Variants in ZNF585A observed in about 807,000 individuals in gnomAD.
ZNF585A encodes the protein zinc finger protein 585A.
ZNF585A carries 9 observed loss-of-function variants against 14.9 expected under a neutral mutation model. The observed-to-expected ratio is 0.60, with a 90% CI of 0.36 to 1.05. The LOEUF (loss-of-function observed/expected upper bound fraction) is 1.05. Ranked by LOEUF, ZNF585A falls within the 50% of genes least tolerant of loss-of-function variation. The pLI, the probability that ZNF585A is intolerant of heterozygous loss-of-function variation, is 0.01. For synonymous variants in ZNF585A, 276 were observed against 319.9 expected, an observed-to-expected ratio of 0.86 and a Z score of 1.46; for missense variants, 726 against 926.4, an observed-to-expected ratio of 0.78 and a Z score of 2.81.
intron 1 of ZNF585A, among the ~76,000 whole-genome samples, chr19:37,170,610 A>G (rs1304157864): frequency 2.0e-5 from 3 of 152,280 alleles, no homozygotes; most frequent in African/African-American, 4.8e-5. Context: ...CAGCCTCCCA[A>G]GTAGCTGGGA....
At chr19:37,167,655 C>A (rs1972118094) in intron 2 of ZNF585A, among the ~76,000 whole-genome samples, 1 of 147,222 alleles carries the variant, frequency 6.8e-6, no homozygotes. Flanking sequence ...GGAGTCTCGC[C>A]CTGTCGCCCA....
In ZNF585A at chr19:37,151,668, T is replaced by A. The variant is rs1599745589; in HGVS notation, c.2231A>T (p.Lys744Ile). Residue 744 changes from lysine to isoleucine, a missense_variant, in exon 5 of 5, where the codon AAA (lysine) becomes ATA (isoleucine). Around this residue, in one of 2 missense-constraint regions of ZNF585A, gnomAD observed 243 missense variants for 383.6 expected, o/e 0.63. Coordinates refer to ENST00000292841, the MANE Select transcript of ZNF585A (RefSeq NM_001288800.2). ...CCCACAGATGCCACACTTGTAGGGT[T>A]TGTCTCCAGTGTGTGTTGTCTGATG... ...NKHQTTHTGD[K>I]PYKCGICGKG... The A allele has an allele frequency of 6.2e-7, 1 of 1,614,204 alleles. No homozygotes were observed. The highest frequency in any genetic ancestry group is 8.5e-7 in the Non-Finnish European group (1 of 1,180,044).
intron 1 of ZNF585A, among the ~76,000 whole-genome samples, chr19:37,171,018 C>G (rs1455774409): frequency 6.6e-6 from 1 of 152,040 alleles, no homozygotes; most frequent in Non-Finnish European, 1.5e-5. Context: ...AAGTGGTATT[C>G]AAATGAGTGT....
intron 2 of ZNF585A, 61 bp from the exon 3 acceptor site, chr19:37,156,416 T>G (rs761281597): frequency 1.2e-5 from 19 of 1,580,866 alleles, no homozygotes; most frequent in Non-Finnish European, 1.6e-5. Flanking sequence ...AGAGACTATA[T>G]TTAGGAATAT....
chr19:37,156,724 C>A (rs1414333284), intron 2 of ZNF585A, among the ~76,000 whole-genome samples: 2 of 152,040 alleles, frequency 1.3e-5, no homozygotes, highest in African/African-American at 4.8e-5. Flanking sequence ...CAGAGTCTCG[C>A]TCTGTTGTCC....
In ZNF585A at chr19:37,152,904, C is replaced by T. The variant is rs745568924; in HGVS notation, c.995G>A (p.Gly332Glu). Residue 332 changes from glycine to glutamate, a missense_variant, in exon 5 of 5, where the codon GGG becomes GAG. Coordinates refer to ENST00000292841, the MANE Select transcript of ZNF585A (RefSeq NM_001288800.2). Reference protein sequence around the residue: ...RVKPYICTEYGKVFSNNSNLV... With the variant: ...RVKPYICTEYEKVFSNNSNLV... ...GTTGGAATTATTGCTGAAGACCTTC[C>T]CATATTCGGTACATATATAGGGCTT... 1.9e-6 allele frequency: 3 copies of T among 1,614,166 alleles called. No homozygotes were observed. The Admixed American group carries it at 5.0e-5, about 27-fold the overall frequency.
intron 2 of ZNF585A, among the ~76,000 whole-genome samples, chr19:37,161,926 C>CT (rs1423410310): frequency 7.9e-5 from 12 of 152,056 alleles, no homozygotes; most frequent in South Asian, 2.1e-4. Flanking sequence ...AAGTATGATT[C>CT]TTTTTTTTGT....
chr19:37,163,847 T>C (rs1972048183), intron 2 of ZNF585A, among the ~76,000 whole-genome samples: 1 of 151,836 alleles, frequency 6.6e-6, no homozygotes, highest in African/African-American at 2.4e-5. Flanking sequence ...GTGAAAGATT[T>C]ATAAAATAGC....
At chr19:37,161,830 C>G (rs572169449) in intron 2 of ZNF585A, among the ~76,000 whole-genome samples, 1 of 152,250 alleles carries the variant, frequency 6.6e-6, no homozygotes, top group African/African-American at 2.4e-5. Flanking sequence ...ATGAGCAGGT[C>G]TCTGAATTCA....
rs776884987 is a variant in ZNF585A, at chr19:37,169,873, G to T, written c.38C>A (p.Ala13Asp). Reference sequence around the variant, plus strand: ...GCTGCCATGATCCTCTGGAGCCAGGGCTGAGGATTTCTGAGGTGAGGTCCA... The same window carrying T: ...GCTGCCATGATCCTCTGGAGCCAGGTCTGAGGATTTCTGAGGTGAGGTCCA... ...ANWTSPQKSS[A>D]LAPEDHGSSY... The change falls in exon 2 of 5, where the codon GCC (alanine) becomes GAC (aspartate). Residue 13 changes from alanine to aspartate, a missense_variant. Transcript: ENST00000292841. 1.9e-5 allele frequency: 31 copies of T among 1,613,222 alleles called. No homozygotes were observed. The highest frequency in any genetic ancestry group is 2.6e-5 in the Non-Finnish European group (31 of 1,180,032).
rs1321327334 is a variant in ZNF585A, at chr19:37,153,436, C to A, written c.463G>T (p.Glu155Ter). Residue 155 changes from glutamate (E) to a stop codon, truncating the protein, a stop_gained, in exon 5 of 5, where the codon GAA becomes TAA. Transcript: ENST00000292841. LOFTEE classifies it low-confidence loss of function (END_TRUNC). ...LKVHLKVLAG[E>*]KLYVCIECGK... Reference sequence around the variant, plus strand: ...CATTCAATGCATACATAGAGCTTTTCTCCTGCAAGAACTTTCAGGTGTACT... The same window carrying A: ...CATTCAATGCATACATAGAGCTTTTATCCTGCAAGAACTTTCAGGTGTACT... 2.5e-6 allele frequency: 4 copies of A among 1,614,080 alleles called. No homozygotes were observed. The Admixed American group carries it at 6.7e-5, about 27-fold the overall frequency.
Position 37,160,279 on chromosome 19 carries a change from A to T in ZNF585A, c.73-3924T>A, listed in dbSNP as rs549173288. 2.6e-5 allele frequency among the ~76,000 whole-genome samples: 4 copies of T among 151,634 alleles called. No individual in the cohort carries two copies. In the East Asian group the frequency reaches 7.8e-4, roughly 29 times the overall value. On this transcript the variant is annotated intron_variant, in intron 2 of 4. Coordinates refer to ENST00000292841, the MANE Select transcript of ZNF585A (RefSeq NM_001288800.2). Reference sequence around the variant, plus strand: ...TCACTTGAGCCTGGGAAGGCAGAGGATGTAGTGAGCTGAGATGGCACCACT... The same window carrying T: ...TCACTTGAGCCTGGGAAGGCAGAGGTTGTAGTGAGCTGAGATGGCACCACT...
In ZNF585A at chr19:37,153,288, T is replaced by C. The variant is rs1267251337; in HGVS notation, c.611A>G (p.His204Arg). 5.6e-6 allele frequency: 9 copies of C among 1,614,218 alleles called. No homozygotes were observed. In the South Asian group the frequency reaches 8.8e-5, roughly 16 times the overall value. ...TTTCTCTCCGGTATGAATTCTCTGA[T>C]GCCTGAAGAGGGACGACACTTGAAA... is the stretch of plus-strand genomic sequence containing the variant. ...SFFQVSSLFR[H>R]QRIHTGEKLY... is the part of the protein sequence containing the mutation. Residue 204 changes from histidine to arginine, a missense_variant, in exon 5 of 5, where the codon CAT becomes CGT. By Grantham distance (29) the His-to-Arg change is conservative (BLOSUM62 0). This residue lies in a region of ZNF585A where 483 missense variants were observed against 542.8 expected (regional missense o/e 0.89). Transcript: ENST00000292841.
At chr19:37,158,532 C>T (rs1217533646) in intron 2 of ZNF585A, among the ~76,000 whole-genome samples, 1 of 152,076 alleles carries the variant, frequency 6.6e-6, no homozygotes, top group East Asian at 1.9e-4. Context: ...GAGAGTGAAA[C>T]GTACTGAACA....
intron 2 of ZNF585A, among the ~76,000 whole-genome samples, chr19:37,158,526 G>A (rs1971965504): frequency 6.6e-6 from 1 of 152,202 alleles, no homozygotes; most frequent in African/African-American, 2.4e-5. Context: ...GGGAAGGAGA[G>A]TGAAACGTAC....
chr19:37,159,411 A>C lies in ZNF585A; in HGVS notation c.73-3056T>G, dbSNP rs140507125. 6.2e-3 allele frequency among the ~76,000 whole-genome samples: 942 copies of C among 152,310 alleles called. 27 individuals are homozygous for C. The highest frequency in any genetic ancestry group is 0.05 in the East Asian group (260 of 5,188). On this transcript the variant is annotated intron_variant, in intron 2 of 4. Coordinates refer to ENST00000292841, the MANE Select transcript of ZNF585A (RefSeq NM_001288800.2). ...GAAAACAAAATACATGATCCTCCAA[A>C]TTAAAAAATCTAACTTGGAATTGCA...
intron 4 of ZNF585A, among the ~76,000 whole-genome samples, chr19:37,154,064 A>C (rs1225840499): frequency 1.3e-5 from 2 of 152,214 alleles, no homozygotes; most frequent in East Asian, 3.8e-4. Context: ...TAGTTCAAAG[A>C]ACAGCTAGCA....
chr19:37,166,705 C>T (rs1972096991), intron 2 of ZNF585A, among the ~76,000 whole-genome samples: 1 of 145,548 alleles, frequency 6.9e-6, no homozygotes, highest in Admixed American at 6.7e-5. Context: ...CACATCAACA[C>T]AGCAACTTGT....
chr19:37,170,704 G>A (rs1197677696), intron 1 of ZNF585A, among the ~76,000 whole-genome samples: 1 of 152,164 alleles, frequency 6.6e-6, no homozygotes. Context: ...TGGATCTCCT[G>A]ACCTCCTGAT....
Sources: allele counts gnomAD v4.1 joint callset (sites outside exome capture counted in the v4.1 genomes callset), GRCh38; gene constraint gnomAD v4.1.1; regional missense constraint gnomAD v4.1.1; transcripts MANE v1.5; gene names NCBI Gene and HGNC (gene_info 2026-07-23, HGNC 2026-07-21).